The following SLCO2B1 variants were observed in gnomAD, a reference collection of about 807,000 sequenced individuals.
SLCO2B1 encodes solute carrier organic anion transporter family member 2B1, also known as OATP-RP2.
SLCO2B1 carries 41 observed loss-of-function variants against 67.3 expected under a neutral mutation model. The observed-to-expected ratio is 0.61, with a 90% CI of 0.47 to 0.79. SLCO2B1 has a LOEUF of 0.79. SLCO2B1 is among the 30% of genes least tolerant of loss of function. The probability of loss-of-function intolerance (pLI) is 0.00; values close to 1 mark genes in which losing one functional copy is unlikely to be tolerated. For missense variants in SLCO2B1, 837 were observed against 920.1 expected (o/e 0.91, Z 1.17); for synonymous variants, 379 against 381.4 (o/e 0.99, Z 0.07).
intron 4 of SLCO2B1, among the ~76,000 whole-genome samples, chr11:75,167,953 G>A (rs1462566849): frequency 1.4e-5 from 2 of 147,510 alleles, no homozygotes. Flanking sequence ...GAGTGCAGTG[G>A]CTTGAACTTG....
intron 6 of SLCO2B1, 47 bp downstream of exon 6, chr11:75,169,811 C>A (rs7125268): frequency 0.24 from 354,456 of 1,491,780 alleles, 47,163 homozygotes; most frequent in Admixed American, 0.47. Context: ...TAACTGACTG[C>A]CACTCTCATA....
At chr11:75,185,770 G>A (rs1944916763) in intron 7 of SLCO2B1, among the ~76,000 whole-genome samples, 2 of 152,158 alleles carry the variant, frequency 1.3e-5, no homozygotes, top group South Asian at 2.1e-4. Flanking sequence ...GGAGGAACGC[G>A]TCCACCCTAG....
At chr11:75,190,399 G>A (rs1944999961) in intron 8 of SLCO2B1, among the ~76,000 whole-genome samples, 1 of 152,220 alleles carries the variant, frequency 6.6e-6, no homozygotes, top group African/African-American at 2.4e-5. Context: ...GGCCGAGGGA[G>A]GAGGAACCAT....
Position 75,203,432 on chromosome 11 carries a change from G to A in SLCO2B1, c.1949+5G>A. On this transcript the variant is annotated splice_donor_5th_base_variant and intron_variant, in intron 13 of 13. Coordinates refer to ENST00000289575, the MANE Select transcript of SLCO2B1 (RefSeq NM_007256.5). The stretch of plus-strand genomic sequence containing the variant: ...TAATGACCTGCTCCGAAACCGGTGA[G>A]ACCTGGTTTGATGGCTTGTGGGAAG... 6.2e-7 allele frequency: 1 copy of A among 1,614,074 alleles called. No homozygotes were observed. The highest frequency in any genetic ancestry group is 8.5e-7 in the Non-Finnish European group (1 of 1,179,960).
At chr11:75,184,417 C>T (rs1292437344) in intron 7 of SLCO2B1, among the ~76,000 whole-genome samples, 2 of 152,216 alleles carry the variant, frequency 1.3e-5, no homozygotes, top group Non-Finnish European at 2.9e-5. Context: ...TTAATTTCTA[C>T]TCTGAATGCC....
Position 75,200,333 on chromosome 11 carries a change from T to G in SLCO2B1, c.1709T>G (p.Leu570Arg). The G allele has an allele frequency of 6.2e-7, 1 of 1,613,532 alleles. No homozygotes were observed. Among genetic ancestry groups the G allele is most frequent in the Non-Finnish European group, 8.5e-7 (1 of 1,179,892 alleles). Residue 570 changes from leucine (L) to arginine (R), a missense_variant, in exon 11 of 14, where the codon CTG (leucine) becomes CGG (arginine). Coordinates refer to ENST00000289575, the MANE Select transcript of SLCO2B1 (RefSeq NM_007256.5). ...GTGCCCTTCCTGCTCCTGGTCAGCC[T>G]GGGCTCGGCCCTGGCCTGTCTCACC... ...LVVPFLLLVS[L>R]GSALACLTHT...
intron 9 of SLCO2B1, among the ~76,000 whole-genome samples, chr11:75,194,552 C>T (rs1945074288): frequency 6.6e-6 from 1 of 152,022 alleles, no homozygotes; most frequent in Non-Finnish European, 1.5e-5. Context: ...CCCATCTCCC[C>T]TCCCTCCTCC....
chr11:75,194,952 G>A (rs1021176181), intron 9 of SLCO2B1, among the ~76,000 whole-genome samples: 4 of 152,168 alleles, frequency 2.6e-5, no homozygotes, highest in Non-Finnish European at 5.9e-5. Context: ...AGCTAGGCAA[G>A]AAGAACTTTC....
At chr11:75,176,209 C>T (rs1036090794) in intron 7 of SLCO2B1, among the ~76,000 whole-genome samples, 1 of 152,220 alleles carries the variant, frequency 6.6e-6, no homozygotes, top group African/African-American at 2.4e-5. Context: ...CCATCTGTCC[C>T]TGTGGTAGTG....
At chr11:75,188,881 T>C (rs1156873842) in intron 8 of SLCO2B1, among the ~76,000 whole-genome samples, 1 of 152,208 alleles carries the variant, frequency 6.6e-6, no homozygotes. Flanking sequence ...CCTGTGTTCC[T>C]GAAGGTCAGG....
Position 75,205,902 on chromosome 11 carries a change from C to T in SLCO2B1, c.*1322C>T, listed in dbSNP as rs576323001. ...TCGGGAGGCAGCAGACAGGGAGCCA[C>T]CAGCAGTGGCTTCCTGGCCCTGTGC... On this transcript the variant is annotated 3_prime_UTR_variant, in exon 14 of 14. Transcript: ENST00000289575. 23 of 152,344 alleles carry T rather than the reference C, an allele frequency of 1.5e-4. No individual in the cohort carries two copies. Among genetic ancestry groups the T allele is most frequent in the African/African-American group, 5.5e-4 (23 of 41,584 alleles). The allele number at this position is 152,344 out of a possible 1,614,324, so 9.4% of individuals were successfully genotyped here.
intron 11 of SLCO2B1, 112 bp downstream of exon 11, chr11:75,200,499 G>C: frequency 1.8e-6 from 2 of 1,102,686 alleles, no homozygotes; most frequent in Non-Finnish European, 2.5e-6. Context: ...TGGGTGTCCT[G>C]GCCCCCACAA....
intron 11 of SLCO2B1, chr11:75,201,517 C>T (rs574841878): frequency 8.2e-4 from 125 of 152,156 alleles, no homozygotes; most frequent in African/African-American, 3.0e-3. Flanking sequence ...AGTGCTCAGT[C>T]CCACAAGACT....
chr11:75,184,048 T>C (rs1374742490), intron 7 of SLCO2B1, among the ~76,000 whole-genome samples: 3 of 152,168 alleles, frequency 2.0e-5, no homozygotes, highest in Non-Finnish European at 4.4e-5. Context: ...CCGCTAGAGC[T>C]GGTGTGCTCT....
At chr11:75,202,528 A>G (rs981791735) in intron 11 of SLCO2B1, 2 of 228,854 alleles carry the variant, frequency 8.7e-6, no homozygotes, top group Non-Finnish European at 1.6e-5. Context: ...CTGGCGTTAC[A>G]GTGGTTGGGG....
intron 1 of SLCO2B1, among the ~76,000 whole-genome samples, chr11:75,155,321 A>C (rs1043558604): frequency 2.6e-5 from 4 of 152,106 alleles, no homozygotes; most frequent in African/African-American, 9.7e-5. Context: ...ATGCTGGGCC[A>C]GGCCGAACAA....
chr11:75,180,696 G>A (rs1351194832), intron 7 of SLCO2B1, among the ~76,000 whole-genome samples: 1 of 152,164 alleles, frequency 6.6e-6, no homozygotes, highest in Non-Finnish European at 1.5e-5. Context: ...TACAACAGTA[G>A]GAATTAGGCT....
chr11:75,203,061 C>A, intron 12 of SLCO2B1, 96 bp downstream of exon 12: 1 of 1,268,300 alleles, frequency 7.9e-7, no homozygotes, highest in Non-Finnish European at 1.2e-6. Context: ...GAATTCAATC[C>A]CTGATCTTAG....
intron 7 of SLCO2B1, among the ~76,000 whole-genome samples, chr11:75,177,051 A>C (rs1367579679): frequency 6.6e-6 from 1 of 152,160 alleles, no homozygotes; most frequent in East Asian, 1.9e-4. Context: ...ACGAGGCTTG[A>C]GGCCCTGTTG....
Sources: allele counts gnomAD v4.1 joint callset (sites outside exome capture counted in the v4.1 genomes callset), GRCh38; gene constraint gnomAD v4.1.1; transcripts MANE v1.5; gene names NCBI Gene and HGNC (gene_info 2026-07-23, HGNC 2026-07-21).